The following POU3F3 variants were observed in gnomAD, a reference collection of about 807,000 sequenced individuals.
The protein encoded by POU3F3 is POU class 3 homeobox 3, also known as POU domain, class 3, transcription factor 3.
A neutral mutation model predicts 8.6 loss-of-function variants in POU3F3; 1 was observed. That is an observed-to-expected ratio of 0.12 (90% CI 0.04 to 0.55). The LOEUF is 0.55. Ranked by LOEUF, POU3F3 falls within the 20% of genes least tolerant of loss-of-function variation. The pLI is 0.91. For synonymous variants in POU3F3, 418 were observed against 327.4 expected (o/e 1.28, Z -2.99); for missense variants, 577 against 690.7 (o/e 0.84, Z 1.84).
the POU3F3 span, among the ~76,000 whole-genome samples, chr2:104,870,735 A>G: frequency 6.6e-6 from 1 of 152,168 alleles, no homozygotes; most frequent in Non-Finnish European, 1.5e-5. Context: ...TGCAGCAGAA[A>G]TTTATTCCCT....
chr2:104,866,184 A>C, the POU3F3 span: 1 of 152,186 alleles, frequency 6.6e-6, no homozygotes, highest in East Asian at 1.9e-4. Flanking sequence ...AGAGACGGGT[A>C]TTAAGTGAGT....
the POU3F3 span, among the ~76,000 whole-genome samples, chr2:104,891,110 T>C: frequency 6.6e-6 from 1 of 152,134 alleles, no homozygotes; most frequent in East Asian, 1.9e-4. Context: ...GAAGATTGAA[T>C]GAGATCATTT....
In POU3F3 at chr2:104,854,173, A is replaced by T. The variant is rs891536553; in HGVS notation, c.-1338A>T. 2.6e-5 allele frequency among the ~76,000 whole-genome samples: 4 copies of T among 152,024 alleles called. No individual in the cohort carries two copies. Among genetic ancestry groups the T allele is most frequent in the Non-Finnish European group, 4.4e-5 (3 of 67,994 alleles). ...GAGAGCGAACTGTCAGATCGGAGCG[A>T]GAGCGGGCGCCCGAGAGAGGGAGAG... On this transcript the variant is annotated 5_prime_UTR_variant, in exon 1 of 1. Transcript: ENST00000361360. The surrounding 1 kb of genome is among the most constrained non-coding windows in gnomAD (Gnocchi z 4.5).
the POU3F3 span, among the ~76,000 whole-genome samples, chr2:104,881,406 T>A: frequency 6.6e-6 from 1 of 152,126 alleles, no homozygotes; most frequent in Non-Finnish European, 1.5e-5. Flanking sequence ...CCTCAAGCAG[T>A]CCTCTTGCCT....
At chr2:104,918,169 T>C in the POU3F3 span, among the ~76,000 whole-genome samples, 1,442 of 152,354 alleles carry the variant, frequency 9.5e-3, 14 homozygotes, top group Middle Eastern at 0.014. Flanking sequence ...ATCCTAAGCC[T>C]ACATCTGGAT....
the POU3F3 span, among the ~76,000 whole-genome samples, chr2:104,879,091 A>G: frequency 1.3e-5 from 2 of 151,864 alleles, no homozygotes; most frequent in African/African-American, 4.8e-5. Context: ...ATACACACAC[A>G]CCACACAGAG....
chr2:104,921,895 G>A, the POU3F3 span, among the ~76,000 whole-genome samples: 2 of 152,182 alleles, frequency 1.3e-5, no homozygotes, highest in Admixed American at 1.3e-4. Flanking sequence ...TACTCAGGAG[G>A]CTGAGGCAGG....
chr2:104,895,250 G>C, the POU3F3 span, among the ~76,000 whole-genome samples: 1 of 152,130 alleles, frequency 6.6e-6, no homozygotes, highest in African/African-American at 2.4e-5. Flanking sequence ...AAACTCAAAG[G>C]GTATTTTTTC....
chr2:104,857,066 C>T lies in POU3F3; in HGVS notation c.*53C>T. 8.1e-7 allele frequency: 1 copy of T among 1,229,330 alleles called. No homozygotes were observed. The allele number at this position is 1,229,330 out of a possible 1,614,324, so 76.2% of individuals were successfully genotyped here. ...CCGCCGCCGCCGCCTCCGCAGCCGC[C>T]GTCAGCACCGCCGCCGCCCCTGCCG... is the stretch of plus-strand genomic sequence containing the variant. On this transcript the variant is annotated 3_prime_UTR_variant, in exon 1 of 1. Transcript: ENST00000361360.
the POU3F3 span, chr2:104,866,164 G>A: frequency 2.0e-5 from 3 of 152,176 alleles, no homozygotes; most frequent in African/African-American, 7.2e-5. Flanking sequence ...TGTCCTGAAT[G>A]TTTTTAACAA....
chr2:104,904,705 G>A, the POU3F3 span, among the ~76,000 whole-genome samples: 1 of 152,004 alleles, frequency 6.6e-6, no homozygotes, highest in African/African-American at 2.4e-5. Flanking sequence ...GTATACTGAG[G>A]TACATCAGTT....
chr2:104,875,137 T>C, the POU3F3 span, among the ~76,000 whole-genome samples: 1 of 152,212 alleles, frequency 6.6e-6, no homozygotes, highest in Non-Finnish European at 1.5e-5. Flanking sequence ...ATCTTCCAGG[T>C]TCATCCATGT....
At chr2:104,918,224 C>A in the POU3F3 span, among the ~76,000 whole-genome samples, 2 of 152,180 alleles carry the variant, frequency 1.3e-5, no homozygotes, top group East Asian at 3.8e-4. Context: ...CAGTAAAATT[C>A]TTTCAATTTG....
rs1411567931 is a variant in POU3F3 at position 104,856,242 on chromosome 2, CG to C, written c.734del (p.Gly245AlafsTer124). On this transcript the variant is annotated frameshift_variant, in exon 1 of 1. Transcript: ENST00000361360. LOFTEE classifies it high-confidence loss of function. The stretch of plus-strand genomic sequence containing the variant: ...CGCCACCGGGGCCCGGCGGCGGCGG[CG>C]GCGGCGCGGGCGGTGGAGCCCAGAG... ...SAPPGPGGGG[G>X]GAGGGAQSLV... 3 of 1,279,404 alleles carry C rather than the reference CG, an allele frequency of 2.3e-6. No homozygotes were observed. The highest frequency in any genetic ancestry group is 2.9e-6 in the Non-Finnish European group (3 of 1,022,690). 79.3% of individuals were successfully genotyped at this position (1,279,404 alleles called of 1,614,324 possible).
chr2:104,887,004 G>T, the POU3F3 span, among the ~76,000 whole-genome samples: 4 of 152,190 alleles, frequency 2.6e-5, no homozygotes, highest in South Asian at 8.3e-4. Context: ...AGGGCTGCTG[G>T]TTGCCCATTT....
At chr2:104,900,726 A>G in the POU3F3 span, among the ~76,000 whole-genome samples, 1 of 152,186 alleles carries the variant, frequency 6.6e-6, no homozygotes, top group Non-Finnish European at 1.5e-5. Flanking sequence ...TTTGTGGCAA[A>G]TCAATGTATT....
At chr2:104,911,440 A>T in the POU3F3 span, among the ~76,000 whole-genome samples, 1 of 150,548 alleles carries the variant, frequency 6.6e-6, no homozygotes, top group Non-Finnish European at 1.5e-5. Flanking sequence ...AAAAAGTGCT[A>T]CACGGCCACA....
At chr2:104,905,157 A>G in the POU3F3 span, among the ~76,000 whole-genome samples, 2 of 152,204 alleles carry the variant, frequency 1.3e-5, no homozygotes, top group Non-Finnish European at 2.9e-5. Flanking sequence ...TGTTAGCTCA[A>G]TAACACGACC....
the POU3F3 span, among the ~76,000 whole-genome samples, chr2:104,916,036 C>T: frequency 1.3e-5 from 2 of 151,356 alleles, no homozygotes; most frequent in African/African-American, 2.4e-5. Flanking sequence ...ATAAAACCAT[C>T]GGTGCCCTCA....
Sources: gnomAD v4.1 joint callset for allele counts (sites outside exome capture counted in the v4.1 genomes callset) on GRCh38, gnomAD v4.1.1 for gene constraint, Gnocchi (gnomAD v3.1) non-coding constraint, MANE v1.5 for transcripts, NCBI Gene and HGNC (gene_info 2026-07-23, HGNC 2026-07-21) for gene names.